POU6F2: variants seen among roughly 807,000 people sequenced by gnomAD.
The protein encoded by POU6F2 is POU domain, class 6, transcription factor 2.
In POU6F2, 31 loss-of-function variants were observed where a neutral mutation model predicts 71.3. The ratio of observed to expected loss-of-function variants is 0.43; its 90% confidence interval spans 0.33 to 0.59. The LOEUF (loss-of-function observed/expected upper bound fraction) is 0.59. Among genes scored for constraint, POU6F2 ranks in the 20% least tolerant of loss-of-function variants. The probability of loss-of-function intolerance (pLI) is 0.04; values close to 1 mark genes in which losing one functional copy is unlikely to be tolerated. For missense variants in POU6F2, 783 were observed against 856.8 expected, an observed-to-expected ratio of 0.91 and a Z score of 1.07; for synonymous variants, 347 against 355.7, an observed-to-expected ratio of 0.98 and a Z score of 0.27.
rs1380350696 is a variant in POU6F2 at position 39,464,975 on chromosome 7, C to A, written c.*289C>A. ...ATAGTTCCCTTCCCCCACCTGTCTC[C>A]CCCAAAGCCAGTTTTTTAATGGACT... is the stretch of plus-strand genomic sequence containing the variant. On this transcript the variant is annotated 3_prime_UTR_variant, in exon 10 of 10. Transcript: ENST00000518318. This position sits in a 1 kb window ranked among gnomAD's most constrained non-coding sequence, Gnocchi z 4.1. The A allele has an allele frequency of 8.6e-6, 3 of 348,192 alleles. No homozygotes were observed. The highest frequency in any genetic ancestry group is 1.6e-5 in the Non-Finnish European group (3 of 193,520). 21.6% of individuals were successfully genotyped at this position (348,192 alleles called of 1,614,324 possible).
At chr7:39,403,400 C>T (rs1289994703) in intron 5 of POU6F2, among the ~76,000 whole-genome samples, 1 of 152,172 alleles carries the variant, frequency 6.6e-6, no homozygotes, top group African/African-American at 2.4e-5. Context: ...CAAGCATACA[C>T]CAGAATTCAT....
At chr7:39,353,819 C>G (rs1425880095) in intron 5 of POU6F2, among the ~76,000 whole-genome samples, 1 of 152,114 alleles carries the variant, frequency 6.6e-6, no homozygotes, top group Non-Finnish European at 1.5e-5. Flanking sequence ...GTCTTTTACT[C>G]GGAAATTTAT....
At chr7:39,373,428 G>C (rs1445562486) in intron 5 of POU6F2, 6 of 456,552 alleles carry the variant, frequency 1.3e-5, no homozygotes, top group Non-Finnish European at 2.6e-5. Flanking sequence ...TCATGTTCCT[G>C]TTCTGTAGCC....
At chr7:39,211,661 A>G (rs1160579414) in intron 4 of POU6F2, among the ~76,000 whole-genome samples, 1 of 152,200 alleles carries the variant, frequency 6.6e-6, no homozygotes, top group African/African-American at 2.4e-5. Context: ...GTAAGGAGTT[A>G]GACATCTTGC....
intron 1 of POU6F2, among the ~76,000 whole-genome samples, chr7:39,026,085 A>C (rs1385664813): frequency 2.0e-5 from 3 of 152,182 alleles, no homozygotes; most frequent in Non-Finnish European, 4.4e-5. Context: ...GCAATCATTA[A>C]AAAGTCAGGA....
chr7:39,340,192 T>G (rs2074935), intron 5 of POU6F2, among the ~76,000 whole-genome samples, 177 bp downstream of exon 5: 16,868 of 152,234 alleles, frequency 0.11, 1,177 homozygotes, highest in Non-Finnish European at 0.15. Flanking sequence ...CAACTGGGGA[T>G]GCATGTAAAC....
intron 5 of POU6F2, among the ~76,000 whole-genome samples, chr7:39,375,238 AC>A (rs1786688460): frequency 6.6e-6 from 1 of 152,136 alleles, no homozygotes; most frequent in Non-Finnish European, 1.5e-5. Flanking sequence ...GCACCATATG[AC>A]CCGGGAGCGA....
rs186847327 is a variant in POU6F2, at chr7:39,060,035, C to T, written c.106-25825C>T. Reference sequence around the variant, plus strand: ...CCAGCCTGGCCAAGATGGTGAAACCCCGTCTCTACTAAAAATACAAAAATT... The same window carrying T: ...CCAGCCTGGCCAAGATGGTGAAACCTCGTCTCTACTAAAAATACAAAAATT... On this transcript the variant is annotated intron_variant, in intron 1 of 9. Transcript: ENST00000518318. Among the ~76,000 whole-genome samples the T allele has an allele frequency of 5.1e-3, 773 of 152,154 alleles. 1 individual carries two copies. The highest frequency in any genetic ancestry group is 0.018 in the African/African-American group (728 of 41,508).
At chr7:39,045,963 G>A (rs1160756833) in intron 1 of POU6F2, among the ~76,000 whole-genome samples, 3 of 151,750 alleles carry the variant, frequency 2.0e-5, no homozygotes, top group Middle Eastern at 3.2e-3. Flanking sequence ...CTTTTCTTGG[G>A]TAGATTCTTA....
At chr7:39,018,657 G>T (rs753556190) in intron 1 of POU6F2, among the ~76,000 whole-genome samples, 8 of 152,008 alleles carry the variant, frequency 5.3e-5, no homozygotes, top group Non-Finnish European at 8.8e-5. Flanking sequence ...ATATGTATCT[G>T]TAAATTGAAT....
At chr7:39,028,858 T>G (rs1031471628) in intron 1 of POU6F2, among the ~76,000 whole-genome samples, 1 of 152,158 alleles carries the variant, frequency 6.6e-6, no homozygotes, top group African/African-American at 2.4e-5. Context: ...CAGGCTGTAG[T>G]GTACTGGCAC....
chr7:39,035,466 G>A (rs1357634042), intron 1 of POU6F2, among the ~76,000 whole-genome samples: 1 of 152,154 alleles, frequency 6.6e-6, no homozygotes, highest in East Asian at 1.9e-4. Context: ...ATATTCTGGG[G>A]AAGTCTATGA....
At chr7:39,334,216 A>G (rs1785717979) in intron 4 of POU6F2, among the ~76,000 whole-genome samples, 1 of 152,228 alleles carries the variant, frequency 6.6e-6, no homozygotes, top group African/African-American at 2.4e-5. Flanking sequence ...ACCATATGCA[A>G]GATGGTCACA....
intron 3 of POU6F2, among the ~76,000 whole-genome samples, chr7:39,204,537 G>A: frequency 6.7e-6 from 1 of 149,728 alleles, no homozygotes; most frequent in South Asian, 2.2e-4. Context: ...CTTCTTAAAG[G>A]AAAGGTTGGC....
chr7:39,364,672 G>A (rs759358308), intron 5 of POU6F2, among the ~76,000 whole-genome samples: 42 of 152,176 alleles, frequency 2.8e-4, no homozygotes, highest in Middle Eastern at 3.4e-3. Context: ...GTTGATTGAC[G>A]GGTATTTGGG....
At chr7:39,212,826 G>A (rs1474564269) in intron 4 of POU6F2, among the ~76,000 whole-genome samples, 3 of 152,218 alleles carry the variant, frequency 2.0e-5, no homozygotes, top group Admixed American at 1.3e-4. Context: ...TAAAAACAGA[G>A]GTTGTTAGTT....
At chr7:39,285,745 C>T (rs753246888) in intron 4 of POU6F2, among the ~76,000 whole-genome samples, 9 of 152,072 alleles carry the variant, frequency 5.9e-5, no homozygotes, top group Non-Finnish European at 1.3e-4. Flanking sequence ...AAAGACTGGC[C>T]CTTGGCTTTA....
At chr7:39,347,794 G>A (rs1055467302) in intron 5 of POU6F2, among the ~76,000 whole-genome samples, 3 of 141,716 alleles carry the variant, frequency 2.1e-5, no homozygotes, top group African/African-American at 7.6e-5. Context: ...ATCACGCCTG[G>A]CTAATTTTTG....
chr7:39,184,234 C>G (rs1793489504), intron 2 of POU6F2, among the ~76,000 whole-genome samples: 1 of 152,172 alleles, frequency 6.6e-6, no homozygotes, highest in African/African-American at 2.4e-5. Context: ...TTCTTTTTCT[C>G]TATTTTGGTT....
Sources: allele counts gnomAD v4.1 joint callset (sites outside exome capture counted in the v4.1 genomes callset), GRCh38; gene constraint gnomAD v4.1.1; non-coding constraint Gnocchi (gnomAD v3.1); transcripts MANE v1.5; gene names NCBI Gene and HGNC (gene_info 2026-07-23, HGNC 2026-07-21).